Variants in FKBP6 observed in about 807,000 individuals in gnomAD.
FKBP6 encodes the protein FKBP prolyl isomerase family member 6 (inactive).
Under a neutral mutation model 41.7 loss-of-function variants are expected in FKBP6, and 29 were observed. The ratio of observed to expected loss-of-function variants is 0.70; its 90% CI spans 0.52 to 0.95. The LOEUF (loss-of-function observed/expected upper bound fraction) is 0.95, where lower values mean the gene tolerates loss of function less well. FKBP6 is among the 40% of genes least tolerant of loss of function. FKBP6 has a pLI of 0.00. For synonymous variants in FKBP6, 130 were observed against 165.1 expected (o/e 0.79, Z 1.63); for missense variants, 338 against 408.7 (o/e 0.83, Z 1.49).
At chr7:73,346,881 T>G (rs140859788) in intron 8 of FKBP6, among the ~76,000 whole-genome samples, 1 of 152,248 alleles carries the variant, frequency 6.6e-6, no homozygotes, top group African/African-American at 2.4e-5. Flanking sequence ...AGTTACTGAT[T>G]GTGGAGGAGG....
At chr7:73,340,167 T>A (rs1207634335) in intron 5 of FKBP6, among the ~76,000 whole-genome samples, 2 of 152,262 alleles carry the variant, frequency 1.3e-5, no homozygotes, top group Admixed American at 1.3e-4. Flanking sequence ...TTCTTTTTGA[T>A]GCTATTGTAA....
chr7:73,336,157 T>C (rs757937), intron 5 of FKBP6, among the ~76,000 whole-genome samples: 20,792 of 152,186 alleles, frequency 0.14, 1,628 homozygotes, highest in East Asian at 0.28. Context: ...CCATGTGATA[T>C]TAAGAGGTGA....
chr7:73,350,488 G>T (rs906561042), intron 8 of FKBP6, among the ~76,000 whole-genome samples: 2 of 152,030 alleles, frequency 1.3e-5, no homozygotes, highest in Admixed American at 6.6e-5. Flanking sequence ...GCGTGACCCC[G>T]AAGCGGCCAT....
chr7:73,337,401 G>A (rs144648716), intron 5 of FKBP6, among the ~76,000 whole-genome samples: 4,615 of 136,218 alleles, frequency 0.034, 161 homozygotes, highest in Non-Finnish European at 0.037. Flanking sequence ...TACAACCTCC[G>A]CCTCCCAGGT....
chr7:73,333,281 A>C lies in FKBP6; in HGVS notation c.588+1505A>C, dbSNP rs1326292913. On this transcript the variant is annotated intron_variant, in intron 5 of 8. Transcript: ENST00000252037. ...GCAAGATTCTGTCTCCAAAAAAAAA[A>C]AAAACAAAACACCACACATGCGTGT... 6.0e-4 allele frequency among the ~76,000 whole-genome samples: 91 copies of C among 151,736 alleles called. 1 individual carries two copies. In the South Asian group the frequency reaches 0.016, roughly 27 times the overall value.
At chr7:73,338,059 C>T (rs10271751) in intron 5 of FKBP6, among the ~76,000 whole-genome samples, 18,984 of 152,018 alleles carry the variant, frequency 0.12, 1,311 homozygotes, top group Middle Eastern at 0.18. Flanking sequence ...AGACAGAGTC[C>T]CTGTTGCCCA....
chr7:73,333,136 T>A (rs545854398), intron 5 of FKBP6, among the ~76,000 whole-genome samples: 1 of 151,712 alleles, frequency 6.6e-6, no homozygotes, highest in Non-Finnish European at 1.5e-5. Context: ...GCTGGCATGG[T>A]GGTGGGTGCC....
intron 2 of FKBP6, among the ~76,000 whole-genome samples, chr7:73,328,966 C>T (rs1206210355): frequency 1.1e-4 from 16 of 152,062 alleles, no homozygotes; most frequent in East Asian, 9.7e-4. Context: ...CCACCATGCC[C>T]GGCTAATTTT....
intron 8 of FKBP6, among the ~76,000 whole-genome samples, chr7:73,344,422 A>AAGTAGT (rs1406428294): frequency 1.3e-5 from 2 of 152,202 alleles, no homozygotes; most frequent in African/African-American, 4.8e-5. Flanking sequence ...TTGTGTTCTA[A>AAGTAGT]AGTAGCCACC....
chr7:73,329,220 G>C (rs1249656805), intron 2 of FKBP6, 140 bp from the exon 3 acceptor site: 1 of 764,242 alleles, frequency 1.3e-6, no homozygotes, highest in East Asian at 2.4e-5. Flanking sequence ...GCAGAGAGAA[G>C]ATTTATTCCT....
chr7:73,355,381 T>C (rs1805601026), intron 8 of FKBP6, among the ~76,000 whole-genome samples: 1 of 152,240 alleles, frequency 6.6e-6, no homozygotes, highest in Non-Finnish European at 1.5e-5. Flanking sequence ...CTTTCCTATG[T>C]TGGCGCATTC....
intron 5 of FKBP6, among the ~76,000 whole-genome samples, chr7:73,337,560 C>T (rs573232951): frequency 2.6e-5 from 4 of 152,094 alleles, no homozygotes; most frequent in Middle Eastern, 3.4e-3. Context: ...GTGATCCGCC[C>T]GCCTCGGTCT....
intron 8 of FKBP6, among the ~76,000 whole-genome samples, chr7:73,356,803 A>G (rs1805644708): frequency 6.6e-6 from 1 of 152,310 alleles, no homozygotes; most frequent in East Asian, 1.9e-4. Context: ...CTCACAAGAC[A>G]GAGTTTCACT....
At chr7:73,340,884 C>A in intron 6 of FKBP6, 52 bp downstream of exon 6, 1 of 1,196,318 alleles carries the variant, frequency 8.4e-7, no homozygotes, top group Non-Finnish European at 1.2e-6. Context: ...AAGGTAGTAG[C>A]AGTGCTCAAC....
At chr7:73,347,887 C>A (rs1805378374) in intron 8 of FKBP6, among the ~76,000 whole-genome samples, 5 of 152,164 alleles carry the variant, frequency 3.3e-5, no homozygotes, top group Admixed American at 3.3e-4. Context: ...TCAAGTGATC[C>A]TCCCTCCTTG....
At chr7:73,330,893 C>G (rs530718181) in intron 4 of FKBP6, among the ~76,000 whole-genome samples, 14 of 152,330 alleles carry the variant, frequency 9.2e-5, no homozygotes, top group African/African-American at 3.1e-4. Flanking sequence ...CCCGTAGATG[C>G]AGGGCTTCTG....
Position 73,358,325 on chromosome 7 carries a change from G to A in FKBP6, c.*147G>A, listed in dbSNP as rs113962448. The A allele has an allele frequency of 6.6e-6, 1 of 152,326 alleles. No homozygotes were observed. The highest frequency in any genetic ancestry group is 2.4e-5 in the African/African-American group (1 of 41,544). 9.4% of individuals were successfully genotyped at this position (152,326 alleles called of 1,614,324 possible). On this transcript the variant is annotated 3_prime_UTR_variant, in exon 9 of 9. Transcript: ENST00000252037. ...GGCCGCATCTCTCATGGACGCGGCT[G>A]AAACGTGTTTTCACAGGTGCTGTTT...
intron 7 of FKBP6, among the ~76,000 whole-genome samples, chr7:73,341,845 T>C (rs1030039651): frequency 2.6e-5 from 4 of 151,896 alleles, no homozygotes; most frequent in Non-Finnish European, 5.9e-5. Context: ...TTTTGTATTT[T>C]AGTTGAGACA....
Position 73,328,495 on chromosome 7 carries a change from C to T in FKBP6, c.57+10C>T. 6.4e-7 allele frequency: 1 copy of T among 1,558,530 alleles called. No homozygotes were observed. Among genetic ancestry groups the T allele is most frequent in the Non-Finnish European group, 8.7e-7 (1 of 1,150,374 alleles). On this transcript the variant is annotated intron_variant, in intron 1 of 8. Transcript: ENST00000252037. ...CGACGCCCCCGGCCAGGTGAGGGCC[C>T]AGACGTTTCGGGGGCGTAGACGCTG...
Sources: allele counts gnomAD v4.1 joint callset (sites outside exome capture counted in the v4.1 genomes callset), GRCh38; gene constraint gnomAD v4.1.1; transcripts MANE v1.5; gene names NCBI Gene and HGNC (gene_info 2026-07-23, HGNC 2026-07-21).